The following NCALD variants were observed in gnomAD, a reference collection of about 807,000 sequenced individuals.
The protein encoded by NCALD is neurocalcin delta.
A neutral mutation model predicts 18.6 loss-of-function variants in NCALD; 10 were observed. The observed-to-expected ratio is 0.54, with a 90% CI of 0.33 to 0.91. The LOEUF is 0.91. Ranked by LOEUF, NCALD falls within the 40% of genes least tolerant of loss-of-function variation. The probability of loss-of-function intolerance (pLI) is 0.03; values close to 1 mark genes in which losing one functional copy is unlikely to be tolerated. For synonymous variants in NCALD, 88 were observed against 87.4 expected (o/e 1.01, Z -0.04); for missense variants, 184 against 247.6 (o/e 0.74, Z 1.72).
chr8:102,119,615 G>C (rs889167296), intron 1 of NCALD, among the ~76,000 whole-genome samples: 23 of 152,182 alleles, frequency 1.5e-4, no homozygotes, highest in African/African-American at 5.3e-4. Context: ...TTGTATTCAA[G>C]AAATATTTAT....
intron 2 of NCALD, among the ~76,000 whole-genome samples, chr8:102,003,713 A>G (rs549016477): frequency 4.6e-4 from 70 of 152,320 alleles, no homozygotes; most frequent in Non-Finnish European, 7.3e-4. Context: ...GGGATGCAAG[A>G]CTGGTTCAAC....
intron 1 of NCALD, among the ~76,000 whole-genome samples, chr8:102,069,422 A>G (rs1824111195): frequency 1.3e-5 from 2 of 152,202 alleles, no homozygotes; most frequent in Non-Finnish European, 2.9e-5. Context: ...TCTTGATTTG[A>G]TGCTGATGAG....
intron 3 of NCALD, among the ~76,000 whole-genome samples, chr8:101,894,002 C>T (rs1431385764): frequency 1.4e-5 from 2 of 147,434 alleles, no homozygotes; most frequent in Admixed American, 6.7e-5. Context: ...CTAAGCTCTC[C>T]ACCAAGTGGA....
At chr8:101,965,636 G>A (rs922955933) in intron 2 of NCALD, among the ~76,000 whole-genome samples, 2 of 152,112 alleles carry the variant, frequency 1.3e-5, no homozygotes, top group South Asian at 2.1e-4. Flanking sequence ...CCAGGGGAGG[G>A]ATAGCATTAG....
At chr8:101,707,846 C>T (rs781540384) in intron 2 of NCALD, among the ~76,000 whole-genome samples, 12 of 150,934 alleles carry the variant, frequency 8.0e-5, no homozygotes, top group East Asian at 5.9e-4. Context: ...CCAGCCTGGA[C>T]GACAGAGCAA....
intron 2 of NCALD, among the ~76,000 whole-genome samples, chr8:101,960,797 G>A (rs1414741767): frequency 6.6e-6 from 1 of 152,140 alleles, no homozygotes; most frequent in Non-Finnish European, 1.5e-5. Flanking sequence ...CACCAATGTA[G>A]TCTGATCACT....
intron 2 of NCALD, among the ~76,000 whole-genome samples, chr8:101,967,577 A>G (rs557641624): frequency 2.0e-5 from 3 of 152,270 alleles, no homozygotes; most frequent in Non-Finnish European, 2.9e-5. Context: ...TCTGCCACTG[A>G]GACAACTACA....
chr8:101,909,697 A>G (rs1366311535), intron 3 of NCALD, among the ~76,000 whole-genome samples: 1 of 152,210 alleles, frequency 6.6e-6, no homozygotes, highest in Admixed American at 6.5e-5. Flanking sequence ...AACTTGCCCA[A>G]GGCTAAACAG....
chr8:101,950,737 A>G (rs1480200938), intron 2 of NCALD, among the ~76,000 whole-genome samples: 4 of 152,190 alleles, frequency 2.6e-5, no homozygotes, highest in African/African-American at 9.7e-5. Flanking sequence ...ATTCCTGTGT[A>G]GCCTGTTGGT....
intron 2 of NCALD, among the ~76,000 whole-genome samples, chr8:101,987,709 G>A (rs1231279692): frequency 1.3e-5 from 2 of 152,018 alleles, no homozygotes; most frequent in Admixed American, 1.3e-4. Flanking sequence ...CAGAGTCCAA[G>A]ATGTATTACA....
intron 4 of NCALD, among the ~76,000 whole-genome samples, chr8:101,844,437 C>T (rs994612950): frequency 3.3e-5 from 5 of 151,774 alleles, no homozygotes; most frequent in Non-Finnish European, 7.4e-5. Context: ...CAGCTCACCA[C>T]AGCTTCAACC....
chr8:102,098,582 A>G (rs1469867151), intron 1 of NCALD, among the ~76,000 whole-genome samples: 1 of 152,240 alleles, frequency 6.6e-6, no homozygotes, highest in African/African-American at 2.4e-5. Flanking sequence ...TTATACATTC[A>G]TTTAATCAGC....
intron 4 of NCALD, among the ~76,000 whole-genome samples, chr8:101,812,023 G>A (rs1813323333): frequency 1.3e-5 from 2 of 152,172 alleles, no homozygotes; most frequent in South Asian, 4.1e-4. Context: ...TCAGAATGGA[G>A]TGGGATGGTT....
chr8:101,864,150 A>G (rs1045370594), intron 4 of NCALD, among the ~76,000 whole-genome samples: 1 of 152,208 alleles, frequency 6.6e-6, no homozygotes, highest in Non-Finnish European at 1.5e-5. Flanking sequence ...ATCAATCTAT[A>G]AGACACTTAA....
chr8:101,713,089 A>AG (rs150802361), intron 2 of NCALD, among the ~76,000 whole-genome samples: 3,900 of 152,336 alleles, frequency 0.026, 130 homozygotes, highest in African/African-American at 0.078. Context: ...CTCAGACCAT[A>AG]ATGCAATCAA....
intron 1 of NCALD, among the ~76,000 whole-genome samples, chr8:102,091,778 T>C (rs1824932265): frequency 6.6e-6 from 1 of 152,192 alleles, no homozygotes; most frequent in Non-Finnish European, 1.5e-5. Context: ...GCCCTCACCA[T>C]ACTAATGCTT....
chr8:101,782,771 T>C (rs1812068387), intron 1 of NCALD, among the ~76,000 whole-genome samples: 1 of 152,178 alleles, frequency 6.6e-6, no homozygotes, highest in South Asian at 2.1e-4. Flanking sequence ...CAATGCCATA[T>C]ATCCTCTGGG....
chr8:101,697,715 T>C (rs1033508032), intron 2 of NCALD, among the ~76,000 whole-genome samples: 1 of 152,120 alleles, frequency 6.6e-6, no homozygotes, highest in African/African-American at 2.4e-5. Flanking sequence ...ATCATCTCAA[T>C]AGATCAGAAA....
upstream of NCALD, chr8:101,791,077 C>G (rs994008678): frequency 6.6e-6 from 1 of 152,140 alleles, no homozygotes; most frequent in Non-Finnish European, 1.5e-5. Context: ...AACCACAGAC[C>G]GGCTCTGAAA....
Sources: allele counts gnomAD v4.1 joint callset (sites outside exome capture counted in the v4.1 genomes callset), GRCh38; gene constraint gnomAD v4.1.1; transcripts MANE v1.5; gene names NCBI Gene and HGNC (gene_info 2026-07-23, HGNC 2026-07-21).